Variants in EP400 observed in about 807,000 individuals in gnomAD.
EP400 encodes E1A-binding protein p400.
EP400 carries 105 observed loss-of-function variants against 354.1 expected under a neutral mutation model. That is an observed-to-expected ratio of 0.30 (90% CI 0.25 to 0.35). EP400 has a LOEUF of 0.35. EP400 is among the 10% of genes least tolerant of loss of function. EP400 has a pLI of 1.00. For missense variants in EP400, 3,280 were observed against 4,121.0 expected (o/e 0.80, Z 5.59); for synonymous variants, 1,646 against 1,716.9 (o/e 0.96, Z 1.02).
Position 132,017,783 on chromosome 12 carries a change from T to TA in EP400, c.4110+66dup. ...ATATCTTTTCTAGGCACATTATAGA[T>TA]AAAACCATTCTTGGAAATGGGTTCT... On this transcript the variant is annotated intron_variant, in intron 20 of 52. Coordinates refer to ENST00000389561, the MANE Select transcript of EP400 (RefSeq NM_015409.5). This position sits in a 1 kb window ranked among gnomAD's most constrained non-coding sequence, Gnocchi z 5.0. 2.7e-6 allele frequency: 4 copies of TA among 1,463,888 alleles called. No homozygotes were observed. Among genetic ancestry groups the TA allele is most frequent in the Non-Finnish European group, 3.6e-6 (4 of 1,104,072 alleles). The allele number at this position is 1,463,888 out of a possible 1,614,324, so 90.7% of individuals were successfully genotyped here. A position where few individuals can be genotyped will look rare whatever the true frequency, so the allele number is the denominator to read the frequency against.
At chr12:131,980,501 T>C (rs1162002291) in intron 3 of EP400, among the ~76,000 whole-genome samples, 2 of 152,192 alleles carry the variant, frequency 1.3e-5, no homozygotes, top group Non-Finnish European at 2.9e-5. Flanking sequence ...GAGCTAAGGA[T>C]TGAACATGTA....
At chr12:131,982,620 A>G (rs1892720564) in intron 5 of EP400, 142 bp downstream of exon 5, 1 of 1,033,160 alleles carries the variant, frequency 9.7e-7, no homozygotes, top group Non-Finnish European at 1.4e-6. Context: ...ACAATTACTC[A>G]ATTCAGTACT....
chr12:131,962,727 C>T (rs1282949397), intron 2 of EP400, among the ~76,000 whole-genome samples: 1 of 152,146 alleles, frequency 6.6e-6, no homozygotes, highest in East Asian at 1.9e-4. Flanking sequence ...TCTGAGACTT[C>T]CTGAAAACCA....
chr12:132,009,802 T>A (rs11615971), intron 15 of EP400, among the ~76,000 whole-genome samples: 1 of 150,536 alleles, frequency 6.6e-6, no homozygotes, highest in African/African-American at 2.5e-5. Flanking sequence ...TAGCTGGGAA[T>A]ACAGGTGTAT....
intron 1 of EP400, among the ~76,000 whole-genome samples, chr12:131,950,867 T>C (rs1489144626): frequency 6.6e-6 from 1 of 152,162 alleles, no homozygotes; most frequent in African/African-American, 2.4e-5. Context: ...GACCAAAGGC[T>C]TGGGCCACCA....
rs1566175652 is a variant in EP400, at chr12:131,989,997, A to G, written c.2443A>G (p.Lys815Glu). Residue 815 changes from lysine (K) to glutamate (E), a missense_variant, in exon 8 of 53, where the codon AAG (lysine) becomes GAG (glutamate). Lys to Glu is a moderately conservative substitution (Grantham distance 56). Transcript: ENST00000389561. ...VRTVVRHHEE[K>E]QLREERGKKE... ...AACTGTGGTGCGCCATCACGAGGAGAAGCAGCTCCGTGAAGAAAGGGGGAA... is the reference window on the plus strand; with the variant it reads ...AACTGTGGTGCGCCATCACGAGGAGGAGCAGCTCCGTGAAGAAAGGGGGAA... The G allele has an allele frequency of 6.2e-7, 1 of 1,613,642 alleles. No homozygotes were observed. Among genetic ancestry groups the G allele is most frequent in the African/African-American group, 1.3e-5 (1 of 74,984 alleles).
At chr12:131,956,862 CT>C (rs1174225417) in intron 1 of EP400, among the ~76,000 whole-genome samples, 6 of 126,238 alleles carry the variant, frequency 4.8e-5, no homozygotes, top group African/African-American at 1.7e-4. Flanking sequence ...TGTGAACTGT[CT>C]TTTTTTGTCC....
At position 132,045,441 on chromosome 12, in the gene EP400, A is replaced by T; in HGVS notation, c.6907A>T (p.Ile2303Phe). 6.2e-7 allele frequency: 1 copy of T among 1,614,230 alleles called. No homozygotes were observed. The highest frequency in any genetic ancestry group is 1.1e-5 in the South Asian group (1 of 91,074). The change falls in exon 38 of 53, where the codon ATT (isoleucine) becomes TTT (phenylalanine). Residue 2303 changes from isoleucine (I) to phenylalanine (F), a missense_variant. Around this residue, in one of 20 missense-constraint regions of EP400, gnomAD observed 231 missense variants for 257.9 expected, o/e 0.90. Transcript: ENST00000389561. Reference sequence around the variant, plus strand: ...AGAGGGCAAGGAGCAGAAGAAGAATATTCTGCTGAAGCAGCAGGTGCCATT... The same window carrying T: ...AGAGGGCAAGGAGCAGAAGAAGAATTTTCTGCTGAAGCAGCAGGTGCCATT... ...RREGKEQKKNILLKQQVPFAK... is the reference protein window; with the variant it reads ...RREGKEQKKNFLLKQQVPFAK...
At chr12:131,952,765 T>C (rs1891556954) in intron 1 of EP400, among the ~76,000 whole-genome samples, 1 of 152,194 alleles carries the variant, frequency 6.6e-6, no homozygotes, top group African/African-American at 2.4e-5. Context: ...TTCTTTTTAT[T>C]GTTGAGGAGT....
At chr12:132,045,062 CA>C (rs1895043018) in intron 37 of EP400, 109 bp downstream of exon 37, 2 of 1,488,812 alleles carry the variant, frequency 1.3e-6, no homozygotes, top group Admixed American at 2.1e-5. Context: ...CTGTCTGCTG[CA>C]GGGCTAGCGA....
chr12:131,953,854 T>C (rs1258348325), intron 1 of EP400, among the ~76,000 whole-genome samples: 2 of 152,234 alleles, frequency 1.3e-5, no homozygotes, highest in Non-Finnish European at 2.9e-5. Context: ...GGCTCACGCC[T>C]GTAATCCAAG....
intron 47 of EP400, 128 bp from the exon 48 acceptor site, chr12:132,064,540 G>C: frequency 1.6e-6 from 2 of 1,280,470 alleles, no homozygotes; most frequent in South Asian, 3.0e-5. Context: ...CGGTCTGGAT[G>C]CTGCACGGTA....
intron 11 of EP400, among the ~76,000 whole-genome samples, chr12:131,993,767 AAC>A (rs1893118813): frequency 6.6e-6 from 1 of 152,190 alleles, no homozygotes; most frequent in Admixed American, 6.5e-5. Flanking sequence ...TGTGCATGTA[AAC>A]ATATCTTGAC....
chr12:132,032,048 C>G lies in EP400; in HGVS notation c.5850C>G (p.Asp1950Glu). 6.2e-7 allele frequency: 1 copy of G among 1,614,222 alleles called. No individual in the cohort carries two copies. The highest frequency in any genetic ancestry group is 1.7e-5 in the Admixed American group (1 of 60,028). Residue 1950 changes from aspartate to glutamate, a missense_variant, in exon 30 of 53, where the codon GAC becomes GAG. By Grantham distance (45) the Asp-to-Glu change is conservative. Coordinates refer to ENST00000389561, the MANE Select transcript of EP400 (RefSeq NM_015409.5). ...RTTGINLVEA[D>E]TVVFYDNDLN... Reference sequence around the variant, plus strand: ...CAGGTATAAACCTTGTAGAGGCGGACACCGTCGTGTTTTATGACAATGACC... The same window carrying G: ...CAGGTATAAACCTTGTAGAGGCGGAGACCGTCGTGTTTTATGACAATGACC...
rs1566187042 is a variant in EP400 at position 132,013,736 on chromosome 12, G to A, written c.3787-41G>A. ...GCCTTGTTATAAACGTGTTACAGCAGCATTTTTGGAAAGAAAACAGTAAAC... is the reference window on the plus strand; with the variant it reads ...GCCTTGTTATAAACGTGTTACAGCAACATTTTTGGAAAGAAAACAGTAAAC... On this transcript the variant is annotated intron_variant, in intron 18 of 52. Transcript: ENST00000389561. The surrounding 1 kb of genome is among the most constrained non-coding windows in gnomAD (Gnocchi z 4.5). 1 of 1,610,886 alleles carries A rather than the reference G, an allele frequency of 6.2e-7. No homozygotes were observed. The highest frequency in any genetic ancestry group is 1.7e-5 in the Admixed American group (1 of 59,472).
chr12:131,959,868 C>T (rs113009917), intron 1 of EP400, among the ~76,000 whole-genome samples: 1 of 152,260 alleles, frequency 6.6e-6, no homozygotes. Context: ...GTGTCTGTCT[C>T]TACTCTCCTG....
chr12:132,078,595 G>GT lies in EP400; in HGVS notation c.*923dup, dbSNP rs1256565518. ...GGTAGTACAGATGTCACAGCTGAGG[G>GT]TACGATGAGGCCTGGGCTCAGTGAG... On this transcript the variant is annotated 3_prime_UTR_variant, in exon 53 of 53. Coordinates refer to ENST00000389561, the MANE Select transcript of EP400 (RefSeq NM_015409.5). The GT allele has an allele frequency of 6.6e-6, 1 of 152,298 alleles. No homozygotes were observed. The highest frequency in any genetic ancestry group is 2.4e-5 in the African/African-American group (1 of 41,476). 9.4% of individuals were successfully genotyped at this position (152,298 alleles called of 1,614,324 possible). A position where few individuals can be genotyped will look rare whatever the true frequency, so the allele number is the denominator to read the frequency against.
At chr12:132,062,880 C>T (rs1298247407) in intron 47 of EP400, among the ~76,000 whole-genome samples, 179 bp downstream of exon 47, 3 of 152,226 alleles carry the variant, frequency 2.0e-5, no homozygotes, top group Admixed American at 1.3e-4. Context: ...TGTCATAACA[C>T]TTTGATCATG....
In EP400 at chr12:132,062,501, C is replaced by T. The variant is rs773993192; in HGVS notation, c.8134C>T (p.Pro2712Ser). Reference sequence around the variant, plus strand: ...TCAGCTCCCTGGAAAAACCATCACACCTGCACATTTCCAGCTTCTCAGGCA... The same window carrying T: ...TCAGCTCCCTGGAAAAACCATCACATCTGCACATTTCCAGCTTCTCAGGCA... ...GVQLPGKTIT[P>S]AHFQLLRQQQ... Residue 2712 changes from proline to serine, a missense_variant, in exon 47 of 53, where the codon CCT becomes TCT. Physicochemically the swap from Pro to Ser is moderately conservative, Grantham distance 74 (BLOSUM62 -1). Around this residue, in one of 20 missense-constraint regions of EP400, gnomAD observed 11 missense variants for 34.5 expected, o/e 0.32. Transcript: ENST00000389561. 3 of 1,613,314 alleles carry T rather than the reference C, an allele frequency of 1.9e-6. No individual in the cohort carries two copies. Among genetic ancestry groups the T allele is most frequent in the Non-Finnish European group, 2.5e-6 (3 of 1,180,022 alleles).
Sources: allele counts gnomAD v4.1 joint callset (sites outside exome capture counted in the v4.1 genomes callset), GRCh38; gene constraint gnomAD v4.1.1; regional missense constraint gnomAD v4.1.1; non-coding constraint Gnocchi (gnomAD v3.1); transcripts MANE v1.5; gene names NCBI Gene and HGNC (gene_info 2026-07-23, HGNC 2026-07-21).